Variants in FANCB observed in about 807,000 individuals in gnomAD.
The protein encoded by FANCB is Fanconi anemia group B protein.
A neutral mutation model predicts 38.9 loss-of-function variants in FANCB; 5 were observed. The ratio of observed to expected loss-of-function variants is 0.13; its 90% CI spans 0.07 to 0.27. The LOEUF (loss-of-function observed/expected upper bound fraction) is 0.27, where lower values mean the gene tolerates loss of function less well. FANCB is among the 10% of genes least tolerant of loss of function. FANCB has a pLI of 1.00. For missense variants in FANCB, 573 were observed against 602.7 expected (o/e 0.95, Z 0.52); for synonymous variants, 236 against 215.4 (o/e 1.10, Z -0.84).
chrX:14,728,986 G>A, the FANCB span, among the ~76,000 whole-genome samples: 97 of 112,118 alleles, frequency 8.7e-4, no homozygotes, highest in Non-Finnish European at 1.6e-3. Flanking sequence ...CCTCTCCAGG[G>A]ATCTGCTGTT....
chrX:14,700,116 G>C, the FANCB span, among the ~76,000 whole-genome samples: 307 of 111,633 alleles, frequency 2.8e-3, no homozygotes, highest in Admixed American at 0.023. Context: ...GTGTGGGATA[G>C]GTGAAATGTG....
In FANCB at chrX:14,859,000, G is replaced by A. The variant is rs1345369917; in HGVS notation, c.1104+182C>T. 5.4e-5 allele frequency among the ~76,000 whole-genome samples: 6 copies of A among 111,424 alleles called. 1 individual carries two copies. Among genetic ancestry groups the A allele is most frequent in the Admixed American group, 4.8e-4 (5 of 10,439 alleles). ...TTTATATCAAAAGCATGGTCAATTT[G>A]TATAACATTTGTTGAAAGGAGATTC... On this transcript the variant is annotated intron_variant, in intron 4 of 9. Transcript: ENST00000650831.
At chrX:14,734,527 C>A in the FANCB span, among the ~76,000 whole-genome samples, 1 of 111,813 alleles carries the variant, frequency 8.9e-6, no homozygotes, top group Non-Finnish European at 1.9e-5. Context: ...AAATTCTTTT[C>A]TTTAAGCATG....
intron 1 of FANCB, among the ~76,000 whole-genome samples, chrX:14,870,930 T>C (rs1312389142): frequency 1.8e-5 from 2 of 111,752 alleles, no homozygotes; most frequent in Non-Finnish European, 3.8e-5. Context: ...GAACATAATT[T>C]TATGAAGATA....
At chrX:14,702,197 G>A in the FANCB span, among the ~76,000 whole-genome samples, 32 of 111,842 alleles carry the variant, frequency 2.9e-4, no homozygotes, top group Non-Finnish European at 2.3e-4. Flanking sequence ...AAAGCATGGG[G>A]CCTAAAAGGA....
chrX:14,810,285 C>T, the FANCB span, among the ~76,000 whole-genome samples: 3 of 112,533 alleles, frequency 2.7e-5, no homozygotes, highest in African/African-American at 9.7e-5. Context: ...GAACGCAGTT[C>T]CTCACCAGCA....
chrX:14,773,588 A>T, the FANCB span, among the ~76,000 whole-genome samples: 2 of 112,051 alleles, frequency 1.8e-5, no homozygotes, highest in East Asian at 2.8e-4. Context: ...GCTCAATGAG[A>T]TTCTCACATC....
chrX:14,799,040 A>T, the FANCB span, among the ~76,000 whole-genome samples: 1 of 111,607 alleles, frequency 9.0e-6, no homozygotes, highest in Non-Finnish European at 1.9e-5. Context: ...ACTAAACCAC[A>T]TACCTGCCAG....
the FANCB span, among the ~76,000 whole-genome samples, chrX:14,814,179 A>G: frequency 1.8e-5 from 2 of 111,769 alleles, no homozygotes; most frequent in Admixed American, 9.5e-5. Context: ...TTAATTCAAG[A>G]TGGATTAAAG....
the FANCB span, among the ~76,000 whole-genome samples, chrX:14,773,321 T>C: frequency 8.9e-6 from 1 of 112,486 alleles, no homozygotes; most frequent in Admixed American, 9.4e-5. Flanking sequence ...AAAGAAAGCC[T>C]AAATAAACAT....
the FANCB span, among the ~76,000 whole-genome samples, chrX:14,722,561 T>G: frequency 2.7e-5 from 3 of 111,205 alleles, no homozygotes; most frequent in African/African-American, 9.8e-5. Context: ...ATGGAAAGAG[T>G]GTCAATGATA....
the FANCB span, among the ~76,000 whole-genome samples, chrX:14,722,387 C>T: frequency 9.0e-6 from 1 of 110,994 alleles, no homozygotes; most frequent in East Asian, 2.8e-4. Context: ...AGACAGTTGA[C>T]ATGGTGGCTC....
the FANCB span, among the ~76,000 whole-genome samples, chrX:14,784,680 A>G: frequency 8.9e-6 from 1 of 112,545 alleles, no homozygotes; most frequent in South Asian, 3.7e-4. Context: ...ACCCAAAGGT[A>G]TATAAATCAT....
At chrX:14,779,287 A>G in the FANCB span, among the ~76,000 whole-genome samples, 1 of 112,504 alleles carries the variant, frequency 8.9e-6, no homozygotes, top group Non-Finnish European at 1.9e-5. Context: ...AATCCAACAC[A>G]TAAGAAGAGA....
the FANCB span, among the ~76,000 whole-genome samples, chrX:14,721,505 T>C: frequency 2.7e-5 from 3 of 111,491 alleles, no homozygotes; most frequent in Admixed American, 2.9e-4. Flanking sequence ...CCAACACCCT[T>C]AATATTCGTA....
the FANCB span, among the ~76,000 whole-genome samples, chrX:14,698,338 G>T: frequency 1.8e-5 from 2 of 110,919 alleles, no homozygotes; most frequent in Non-Finnish European, 3.8e-5. Flanking sequence ...AATTTTCACA[G>T]AAATGCATTG....
rs769701122 is a variant in FANCB at position 14,864,697 on chromosome X, T to C, written c.814A>G (p.Thr272Ala). The stretch of plus-strand genomic sequence containing the variant: ...GGAAGCTGGCACACATTTTTAGGAG[T>C]TCCATTCTGAAATGAAATCAGCTGA... ...KNQLISFQNG[T>A]PKNVCQLPFG... Residue 272 changes from threonine (T) to alanine (A), a missense_variant, in exon 3 of 10, where the codon ACT (threonine) becomes GCT (alanine). By Grantham distance (58) the Thr-to-Ala change is moderately conservative (BLOSUM62 0). Transcript: ENST00000650831. The C allele has an allele frequency of 1.7e-6, 2 of 1,209,356 alleles. No individual in the cohort carries two copies. The highest frequency in any genetic ancestry group is 2.2e-6 in the Non-Finnish European group (2 of 894,516).
At chrX:14,823,550 C>T in the FANCB span, among the ~76,000 whole-genome samples, 2 of 111,840 alleles carry the variant, frequency 1.8e-5, no homozygotes, top group African/African-American at 6.5e-5. Flanking sequence ...GAACTTACAG[C>T]GACCATCTTA....
the FANCB span, among the ~76,000 whole-genome samples, chrX:14,774,444 A>G: frequency 8.9e-5 from 10 of 112,349 alleles, no homozygotes; most frequent in East Asian, 2.5e-3. Context: ...TCTCAAACCT[A>G]TTTGGTAAAG....
Sources: gnomAD v4.1 joint callset for allele counts (sites outside exome capture counted in the v4.1 genomes callset) on GRCh38, gnomAD v4.1.1 for gene constraint, MANE v1.5 for transcripts, NCBI Gene and HGNC (gene_info 2026-07-23, HGNC 2026-07-21) for gene names.